The following NIBAN1 variants were observed in gnomAD, a reference collection of about 807,000 sequenced individuals.
NIBAN1 encodes niban apoptosis regulator 1, also known as protein Niban 1.
NIBAN1 carries 81 observed loss-of-function variants against 75.1 expected under a neutral mutation model. The observed-to-expected ratio is 1.08, with a 90% CI of 0.90 to 1.30. The LOEUF is 1.30. NIBAN1 is among the 50% of genes most tolerant of loss of function. The pLI, the probability that NIBAN1 is intolerant of heterozygous loss-of-function variation, is 0.00. For missense variants in NIBAN1, 1,133 were observed against 1,128.1 expected (o/e 1.00, Z -0.06); for synonymous variants, 436 against 424.8 (o/e 1.03, Z -0.32).
chr1:184,886,536 A>G (rs1016383722), intron 4 of NIBAN1, among the ~76,000 whole-genome samples: 11 of 152,130 alleles, frequency 7.2e-5, no homozygotes, highest in Non-Finnish European at 1.3e-4. Context: ...CCTCAAAATC[A>G]ATTCCAAGCA....
chr1:184,844,327 C>G (rs1052210591), intron 5 of NIBAN1, among the ~76,000 whole-genome samples: 5 of 152,346 alleles, frequency 3.3e-5, no homozygotes, highest in African/African-American at 9.6e-5. Flanking sequence ...CATCACTCAT[C>G]ATGTCCTAGC....
chr1:184,865,602 G>C (rs550004006), intron 5 of NIBAN1, among the ~76,000 whole-genome samples: 1 of 151,848 alleles, frequency 6.6e-6, no homozygotes, highest in African/African-American at 2.4e-5. Flanking sequence ...TCTAAAACAA[G>C]CTGAAAAAAA....
chr1:184,858,959 C>T (rs1181229764), intron 5 of NIBAN1, among the ~76,000 whole-genome samples: 2 of 151,010 alleles, frequency 1.3e-5, no homozygotes, highest in Admixed American at 6.6e-5. Context: ...CTTAAAAAAA[C>T]AAAAAACAAA....
intron 1 of NIBAN1, among the ~76,000 whole-genome samples, chr1:184,916,361 CTT>C (rs901635183): frequency 7.2e-5 from 11 of 152,128 alleles, no homozygotes; most frequent in African/African-American, 2.7e-4. Flanking sequence ...AGGTTGGAAA[CTT>C]AACTTCAGCT....
Position 184,972,174 on chromosome 1 carries a change from A to G in NIBAN1, c.55+2128T>C, listed in dbSNP as rs114226767. On this transcript the variant is annotated intron_variant, in intron 1 of 13. Transcript: ENST00000367511. Reference sequence around the variant, plus strand: ...AAGCTTAAAAGAAAGTTATTGTCTCAGCTTCAGGAGCTTTCAAATCTATAT... The same window carrying G: ...AAGCTTAAAAGAAAGTTATTGTCTCGGCTTCAGGAGCTTTCAAATCTATAT... 3.7e-3 allele frequency among the ~76,000 whole-genome samples: 566 copies of G among 152,362 alleles called. 5 individuals carry two copies. Among genetic ancestry groups the G allele is most frequent in the African/African-American group, 0.013 (541 of 41,592 alleles).
intron 3 of NIBAN1, among the ~76,000 whole-genome samples, chr1:184,892,316 G>A (rs1415957605): frequency 4.6e-5 from 7 of 152,050 alleles, no homozygotes; most frequent in Non-Finnish European, 1.5e-5. Flanking sequence ...GAAAACTGAG[G>A]CTCAAGATTT....
At chr1:184,893,234 G>A (rs1656718052) in intron 3 of NIBAN1, among the ~76,000 whole-genome samples, 1 of 152,136 alleles carries the variant, frequency 6.6e-6, no homozygotes, top group African/African-American at 2.4e-5. Flanking sequence ...GGGATCATTT[G>A]ACCTAACTGT....
chr1:184,909,302 TG>T (rs1557910256), intron 1 of NIBAN1, among the ~76,000 whole-genome samples: 2 of 152,206 alleles, frequency 1.3e-5, no homozygotes, highest in South Asian at 2.1e-4. Context: ...TATTTTCCTA[TG>T]TTTTTTTCTT....
In NIBAN1 at chr1:184,890,096, T is replaced by G; in HGVS notation, c.433+12A>C. ...GTCATTTTGCCTTGGAAAAGAATGA[T>G]CAGCAACTCACCAAGAGGGTCTGGG... On this transcript the variant is annotated intron_variant, in intron 4 of 13. Coordinates refer to ENST00000367511, the MANE Select transcript of NIBAN1 (RefSeq NM_052966.4). 1 of 1,592,984 alleles carries G rather than the reference T, an allele frequency of 6.3e-7. No homozygotes were observed. The highest frequency in any genetic ancestry group is 8.6e-7 in the Non-Finnish European group (1 of 1,161,114).
chr1:184,884,679 C>T lies in NIBAN1; in HGVS notation c.555G>A (p.Lys185=), dbSNP rs561725280. 3.1e-5 allele frequency: 50 copies of T among 1,614,194 alleles called. No individual in the cohort carries two copies. In the East Asian group the frequency reaches 1.0e-3, roughly 34 times the overall value. Residue 185 remains lysine, a synonymous_variant, in exon 5 of 14, where the codon AAG becomes AAA. Coordinates refer to ENST00000367511, the MANE Select transcript of NIBAN1 (RefSeq NM_052966.4). The part of the protein sequence containing the change: ...YFCFHEAADQ[K]RFSALLSDCV... The stretch of plus-strand genomic sequence containing the variant: ...AGTCACTCAGGAGGGCACTAAACCT[C>T]TTCTGGTCAGCAGCCTCGTGGAAGC...
chr1:184,931,006 T>C (rs1657806775), intron 1 of NIBAN1, among the ~76,000 whole-genome samples: 1 of 147,418 alleles, frequency 6.8e-6, no homozygotes, highest in Non-Finnish European at 1.5e-5. Context: ...TCTTTTTTTT[T>C]TTTTTTTTTT....
chr1:184,888,473 A>G (rs1177218702), intron 4 of NIBAN1, among the ~76,000 whole-genome samples: 10 of 152,226 alleles, frequency 6.6e-5, no homozygotes, highest in Non-Finnish European at 1.3e-4. Flanking sequence ...GCCTCTAGTT[A>G]TCTCTCAACC....
rs554402123 is a variant in NIBAN1, at chr1:184,905,626, C to A, written c.56-6317G>T. Among the ~76,000 whole-genome samples the A allele has an allele frequency of 2.4e-3, 368 of 152,222 alleles. 4 individuals carry two copies. The highest frequency in any genetic ancestry group is 5.1e-3 in the Admixed American group (78 of 15,278). On this transcript the variant is annotated intron_variant, in intron 1 of 13. Coordinates refer to ENST00000367511, the MANE Select transcript of NIBAN1 (RefSeq NM_052966.4). ...AGTCCCCTGCTAGCCACTTTCAGACCCTTCAAGCCCACATGACAGTCCCAA... is the reference window on the plus strand; with the variant it reads ...AGTCCCCTGCTAGCCACTTTCAGACACTTCAAGCCCACATGACAGTCCCAA...
intron 5 of NIBAN1, among the ~76,000 whole-genome samples, chr1:184,842,743 G>A (rs1655327839): frequency 7.2e-6 from 1 of 139,788 alleles, no homozygotes; most frequent in East Asian, 2.1e-4. Flanking sequence ...CAGCCTGGGC[G>A]ACAAAAGTGA....
Position 184,899,292 on chromosome 1 carries a change from T to C in NIBAN1, c.73A>G (p.Ile25Val), listed in dbSNP as rs1371356239. ...AYIRGKTEAA[I>V]KNFSPYYSRQ... Reference sequence around the variant, plus strand: ...CTGTAGTAGGGACTGAAGTTTTTGATGGCAGCCTCAGTTTTCCCTAGAAAA... The same window carrying C: ...CTGTAGTAGGGACTGAAGTTTTTGACGGCAGCCTCAGTTTTCCCTAGAAAA... Residue 25 changes from isoleucine (I) to valine (V), a missense_variant, in exon 2 of 14, where the codon ATC (isoleucine) becomes GTC (valine). Coordinates refer to ENST00000367511, the MANE Select transcript of NIBAN1 (RefSeq NM_052966.4). The C allele has an allele frequency of 6.8e-6, 11 of 1,613,866 alleles. No individual in the cohort carries two copies. Among genetic ancestry groups the C allele is most frequent in the South Asian group, 2.2e-5 (2 of 91,082 alleles).
chr1:184,827,805 C>A (rs566036519), intron 6 of NIBAN1, among the ~76,000 whole-genome samples: 2 of 151,994 alleles, frequency 1.3e-5, no homozygotes, highest in African/African-American at 4.8e-5. Flanking sequence ...GCAGGCCCCG[C>A]AGTCTCACCA....
At chr1:184,813,724 A>G (rs1238101862) in intron 9 of NIBAN1, among the ~76,000 whole-genome samples, 1 of 152,220 alleles carries the variant, frequency 6.6e-6, no homozygotes, top group African/African-American at 2.4e-5. Flanking sequence ...TTATGCCAGA[A>G]ATGTTGTATA....
At chr1:184,971,724 T>C (rs750794458) in intron 1 of NIBAN1, among the ~76,000 whole-genome samples, 2 of 152,158 alleles carry the variant, frequency 1.3e-5, no homozygotes, top group African/African-American at 2.4e-5. Context: ...GACTAACATA[T>C]GACACAGCTC....
chr1:184,895,137 C>G (rs539829411), intron 2 of NIBAN1, among the ~76,000 whole-genome samples: 1 of 152,142 alleles, frequency 6.6e-6, no homozygotes, highest in African/African-American at 2.4e-5. Flanking sequence ...AGGGATGAAA[C>G]AAATTCCCTT....
Sources: gnomAD v4.1 joint callset for allele counts (sites outside exome capture counted in the v4.1 genomes callset) on GRCh38, gnomAD v4.1.1 for gene constraint, MANE v1.5 for transcripts, NCBI Gene and HGNC (gene_info 2026-07-23, HGNC 2026-07-21) for gene names.